The following KLHL42 variants were observed in gnomAD, a reference collection of about 807,000 sequenced individuals.
KLHL42 encodes kelch like family member 42.
Under a neutral mutation model 32.7 loss-of-function variants are expected in KLHL42, and 27 were observed. The ratio of observed to expected loss-of-function variants is 0.83; its 90% CI spans 0.61 to 1.14. The LOEUF is 1.14. KLHL42 is among the 50% of genes most tolerant of loss of function. The probability of loss-of-function intolerance (pLI) is 0.00; values close to 1 mark genes in which losing one functional copy is unlikely to be tolerated. For synonymous variants in KLHL42, 267 were observed against 248.2 expected (o/e 1.08, Z -0.71); for missense variants, 491 against 560.8 (o/e 0.88, Z 1.26).
intron 1 of KLHL42, among the ~76,000 whole-genome samples, chr12:27,784,520 A>T (rs2062163494): frequency 6.6e-6 from 1 of 152,106 alleles, no homozygotes; most frequent in Admixed American, 6.6e-5. Context: ...AGGCTTAGGC[A>T]GGAGGATCAC....
chr12:27,792,018 A>G lies in KLHL42; in HGVS notation c.1066+117A>G, dbSNP rs897336314. 43 of 777,400 alleles carry G rather than the reference A, an allele frequency of 5.5e-5. No homozygotes were observed. The Admixed American group carries it at 9.9e-4, about 18-fold the overall frequency. The allele number at this position is 777,400 out of a possible 1,614,324, so 48.2% of individuals were successfully genotyped here. ...TCCGAGTGTCATGTTATGCTTTAATAGTGTACACTTACACATCTGGAAGGA... is the reference window on the plus strand; with the variant it reads ...TCCGAGTGTCATGTTATGCTTTAATGGTGTACACTTACACATCTGGAAGGA... On this transcript the variant is annotated intron_variant, in intron 2 of 2. Coordinates refer to ENST00000381271, the MANE Select transcript of KLHL42 (RefSeq NM_020782.2).
At position 27,797,648 on chromosome 12, in the gene KLHL42, T is replaced by A. The variant is rs1438603110; in HGVS notation, c.1067-67T>A. The A allele has an allele frequency of 1.1e-5, 7 of 663,914 alleles. No homozygotes were observed. In the Admixed American group the frequency reaches 1.6e-4, roughly 16 times the overall value. 41.1% of individuals were successfully genotyped at this position (663,914 alleles called of 1,614,324 possible). ...CAAATTATGCAGGCAGAGGTAGACA[T>A]TTCTGTACAGACTTGCCTAGTGGTG... On this transcript the variant is annotated intron_variant, in intron 2 of 2. Coordinates refer to ENST00000381271, the MANE Select transcript of KLHL42 (RefSeq NM_020782.2).
At position 27,802,573 on chromosome 12, in the gene KLHL42, A is replaced by G. The variant is rs1236328447; in HGVS notation, c.*4407A>G. ...CACGTTGCTGACGTCTGTACTTGAC[A>G]TAACCATTTTTATTCATACAGGAAG... On this transcript the variant is annotated 3_prime_UTR_variant, in exon 3 of 3. Coordinates refer to ENST00000381271, the MANE Select transcript of KLHL42 (RefSeq NM_020782.2). 2.0e-5 allele frequency: 3 copies of G among 152,660 alleles called. No homozygotes were observed. The highest frequency in any genetic ancestry group is 4.4e-5 in the Non-Finnish European group (3 of 68,044). The allele number at this position is 152,660 out of a possible 1,614,324, so 9.5% of individuals were successfully genotyped here.
In KLHL42 at chr12:27,798,443, AATGTAG is replaced by A. The variant is rs2062229719; in HGVS notation, c.*280_*285del. ...TCTTGGGCCAATGACGGATCATCAAAATGTAGATTCATTGTGTCTGTGTGGTAAAGG... is the reference window on the plus strand; with the variant it reads ...TCTTGGGCCAATGACGGATCATCAAAATTCATTGTGTCTGTGTGGTAAAGG... On this transcript the variant is annotated 3_prime_UTR_variant, in exon 3 of 3. Transcript: ENST00000381271. The A allele has an allele frequency of 5.3e-6, 2 of 379,434 alleles. No homozygotes were observed. The highest frequency in any genetic ancestry group is 9.6e-6 in the Non-Finnish European group (2 of 209,340). 23.5% of individuals were successfully genotyped at this position (379,434 alleles called of 1,614,324 possible).
At chr12:27,793,286 T>C (rs2062205191) in intron 2 of KLHL42, among the ~76,000 whole-genome samples, 2 of 151,746 alleles carry the variant, frequency 1.3e-5, no homozygotes, top group Admixed American at 6.6e-5. Flanking sequence ...GTACCTGTAG[T>C]CCCAGTTGCT....
At position 27,802,436 on chromosome 12, in the gene KLHL42, C is replaced by T. The variant is rs2062251939; in HGVS notation, c.*4270C>T. ...CTGATGAAAAGGTGGTTGATTTTGCCTTGTGATAATTATCAAAGGATAGTT... is the reference window on the plus strand; with the variant it reads ...CTGATGAAAAGGTGGTTGATTTTGCTTTGTGATAATTATCAAAGGATAGTT... On this transcript the variant is annotated 3_prime_UTR_variant, in exon 3 of 3. Transcript: ENST00000381271. The T allele has an allele frequency of 6.6e-6, 1 of 152,462 alleles. No individual in the cohort carries two copies. The highest frequency in any genetic ancestry group is 2.4e-5 in the African/African-American group (1 of 41,446). The allele number at this position is 152,462 out of a possible 1,614,324, so 9.4% of individuals were successfully genotyped here.
intron 1 of KLHL42, among the ~76,000 whole-genome samples, chr12:27,788,565 C>T (rs1244599731): frequency 1.3e-5 from 2 of 152,122 alleles, no homozygotes; most frequent in Non-Finnish European, 2.9e-5. Context: ...CTTTTTAAGC[C>T]ACGCACGGTG....
chr12:27,783,866 G>A (rs1029208814), intron 1 of KLHL42, among the ~76,000 whole-genome samples: 4 of 152,086 alleles, frequency 2.6e-5, no homozygotes, highest in South Asian at 2.1e-4. Flanking sequence ...TTACAGGCGT[G>A]AGCCACCGCG....
Position 27,798,479 on chromosome 12 carries a change from AAG to A in KLHL42, c.*314_*315del, listed in dbSNP as rs753183191. 1.9e-3 allele frequency: 543 copies of A among 285,982 alleles called. 4 individuals are homozygous for A. The highest frequency in any genetic ancestry group is 2.5e-3 in the South Asian group (47 of 18,892). 17.7% of individuals were successfully genotyped at this position (285,982 alleles called of 1,614,324 possible). On this transcript the variant is annotated 3_prime_UTR_variant, in exon 3 of 3. Coordinates refer to ENST00000381271, the MANE Select transcript of KLHL42 (RefSeq NM_020782.2). ...ATTGTGTCTGTGTGGTAAAGGGCCA[AAG>A]TCAATAATTGGGACAAATGGTAAAG...
In KLHL42 at chr12:27,793,317, A is replaced by C. The variant is rs1422477632; in HGVS notation, c.1066+1416A>C. ...TTGCTTGGGAGGCTGAGGCAGGAGGATCACTTGAGCCTGGGTGTTCAAGAT... is the reference window on the plus strand; with the variant it reads ...TTGCTTGGGAGGCTGAGGCAGGAGGCTCACTTGAGCCTGGGTGTTCAAGAT... On this transcript the variant is annotated intron_variant, in intron 2 of 2. Transcript: ENST00000381271. Among the ~76,000 whole-genome samples, 3 of 152,076 alleles carry C rather than the reference A, an allele frequency of 2.0e-5. 1 individual carries two copies. Among genetic ancestry groups the C allele is most frequent in the Non-Finnish European group, 4.4e-5 (3 of 67,998 alleles).
chr12:27,787,359 G>C (rs964900970), intron 1 of KLHL42, among the ~76,000 whole-genome samples: 2 of 151,992 alleles, frequency 1.3e-5, no homozygotes, highest in Admixed American at 6.6e-5. Flanking sequence ...GCTGGGCATG[G>C]TGGTGGGCAC....
At chr12:27,797,590 G>A in intron 2 of KLHL42, 125 bp from the exon 3 acceptor site, 2 of 653,204 alleles carry the variant, frequency 3.1e-6, no homozygotes, top group African/African-American at 1.8e-5. Flanking sequence ...TCTAACTTGT[G>A]CTTTTTCTGA....
At position 27,797,838 on chromosome 12, in the gene KLHL42, G is replaced by C; in HGVS notation, c.1190G>C (p.Gly397Ala). Residue 397 changes from glycine (G) to alanine (A), a missense_variant, in exon 3 of 3, where the codon GGG (glycine) becomes GCG (alanine). Physicochemically the swap from Gly to Ala is moderately conservative, Grantham distance 60 (BLOSUM62 0). This residue lies in a region of KLHL42 where 152 missense variants were observed against 125.9 expected (regional missense o/e 1.21). Transcript: ENST00000381271. ...GTGGAAGAGACCATCTACATCGTGGGGGGGTGTCTCCACGAGCTGGGGCCC... is the reference window on the plus strand; with the variant it reads ...GTGGAAGAGACCATCTACATCGTGGCGGGGTGTCTCCACGAGCTGGGGCCC... Reference protein sequence around the residue: ...VSVEETIYIVGGCLHELGPNR... With the variant: ...VSVEETIYIVAGCLHELGPNR... 2.6e-6 allele frequency: 2 copies of C among 779,412 alleles called. No homozygotes were observed. Among genetic ancestry groups the C allele is most frequent in the Non-Finnish European group, 4.8e-6 (2 of 416,856 alleles). 48.3% of individuals were successfully genotyped at this position (779,412 alleles called of 1,614,324 possible). A position where few individuals can be genotyped will look rare whatever the true frequency, so the allele number is the denominator to read the frequency against.
chr12:27,794,400 G>A (rs1240453136), intron 2 of KLHL42, among the ~76,000 whole-genome samples: 5 of 152,160 alleles, frequency 3.3e-5, no homozygotes, highest in Non-Finnish European at 7.3e-5. Flanking sequence ...TCTGTCTAAG[G>A]ACAGTTGCCA....
At chr12:27,782,883 A>T (rs1295351439) in intron 1 of KLHL42, among the ~76,000 whole-genome samples, 1 of 152,238 alleles carries the variant, frequency 6.6e-6, no homozygotes, top group Non-Finnish European at 1.5e-5. Flanking sequence ...TACAGAAAAA[A>T]AGTGTCAGTG....
At position 27,797,857 on chromosome 12, in the gene KLHL42, G is replaced by A. The variant is rs2062226376; in HGVS notation, c.1209G>A (p.Leu403=). ...IYIVGGCLHE[L]GPNRRSSQSE... is the part of the protein sequence containing the mutation. ...TCGTGGGGGGGTGTCTCCACGAGCT[G>A]GGGCCCAACCGCAGGAGCAGCCAGA... The change falls in exon 3 of 3, where the codon CTG becomes CTA. Residue 403 remains leucine, a synonymous_variant. Coordinates refer to ENST00000381271, the MANE Select transcript of KLHL42 (RefSeq NM_020782.2). The A allele has an allele frequency of 1.3e-6, 1 of 780,170 alleles. No homozygotes were observed. Among genetic ancestry groups the A allele is most frequent in the Admixed American group, 1.7e-5 (1 of 58,996 alleles). 48.3% of individuals were successfully genotyped at this position (780,170 alleles called of 1,614,324 possible). A position where few individuals can be genotyped will look rare whatever the true frequency, so the allele number is the denominator to read the frequency against.
At position 27,800,982 on chromosome 12, in the gene KLHL42, C is replaced by T. The variant is rs1263498240; in HGVS notation, c.*2816C>T. 1.3e-5 allele frequency: 2 copies of T among 152,242 alleles called. No homozygotes were observed. The highest frequency in any genetic ancestry group is 2.9e-5 in the Non-Finnish European group (2 of 68,032). The allele number at this position is 152,242 out of a possible 1,614,324, so 9.4% of individuals were successfully genotyped here. On this transcript the variant is annotated 3_prime_UTR_variant, in exon 3 of 3. Coordinates refer to ENST00000381271, the MANE Select transcript of KLHL42 (RefSeq NM_020782.2). ...TGGGTTGTTAGAAGGTTGGTTCTTC[C>T]TGTTATTCTCTCTGGCTTTCCTTTC...
chr12:27,797,163 A>C, intron 2 of KLHL42: 1 of 427,860 alleles, frequency 2.3e-6, no homozygotes, highest in Middle Eastern at 3.5e-4. Context: ...TGAATTGCCA[A>C]GTGGTTCTGT....
Position 27,780,810 on chromosome 12 carries a change from G to A in KLHL42, c.480G>A (p.Val160=), listed in dbSNP as rs765602555. ...TCATGGTCGTCCACTTCCACGAGGT[G>A]CTGTGCAAGCCCCAGTTCCACCTCC... ...LRFMVVHFHE[V]LCKPQFHLLG... Residue 160 remains valine (V), a synonymous_variant, in exon 1 of 3, where the codon GTG becomes GTA. Transcript: ENST00000381271. The surrounding 1 kb of genome is among the most constrained non-coding windows in gnomAD (Gnocchi z 8.8). 1 of 1,613,670 alleles carries A rather than the reference G, an allele frequency of 6.2e-7. No individual in the cohort carries two copies.
Sources: allele counts gnomAD v4.1 joint callset (sites outside exome capture counted in the v4.1 genomes callset), GRCh38; gene constraint gnomAD v4.1.1; regional missense constraint gnomAD v4.1.1; non-coding constraint Gnocchi (gnomAD v3.1); transcripts MANE v1.5; gene names NCBI Gene and HGNC (gene_info 2026-07-23, HGNC 2026-07-21).